GARNL3: variants seen among roughly 807,000 people sequenced by gnomAD.
GARNL3 encodes the protein GTPase-activating Rap/Ran-GAP domain-like protein 3.
GARNL3 carries 63 observed loss-of-function variants against 125.0 expected under a neutral mutation model. The ratio of observed to expected loss-of-function variants is 0.50; its 90% CI spans 0.41 to 0.62. The LOEUF (loss-of-function observed/expected upper bound fraction) is 0.62. GARNL3 is among the 20% of genes least tolerant of loss of function. The probability of loss-of-function intolerance (pLI) is 0.00; values close to 1 mark genes in which losing one functional copy is unlikely to be tolerated. For missense variants in GARNL3, 994 were observed against 1,244.0 expected (o/e 0.80, Z 3.02); for synonymous variants, 439 against 457.5 (o/e 0.96, Z 0.52).
intron 22 of GARNL3, among the ~76,000 whole-genome samples, chr9:127,370,748 G>A (rs147685389): frequency 7.2e-5 from 11 of 152,134 alleles, no homozygotes; most frequent in Admixed American, 2.0e-4. Flanking sequence ...GTACTGTGCC[G>A]TTCACAGTCT....
At chr9:127,369,302 T>G (rs1450854279) in intron 22 of GARNL3, among the ~76,000 whole-genome samples, 2 of 151,780 alleles carry the variant, frequency 1.3e-5, no homozygotes, top group Non-Finnish European at 2.9e-5. Context: ...AGCTCAAGAG[T>G]CCAGCCTGGA....
chr9:127,265,803 A>C (rs187125567), intron 1 of GARNL3, among the ~76,000 whole-genome samples: 76 of 152,292 alleles, frequency 5.0e-4, no homozygotes, highest in African/African-American at 1.8e-3. Context: ...CTATTTGTGT[A>C]GCACCCAATT....
chr9:127,267,368 A>G (rs2063727162), intron 1 of GARNL3, among the ~76,000 whole-genome samples: 2 of 151,992 alleles, frequency 1.3e-5, no homozygotes, highest in Non-Finnish European at 2.9e-5. Flanking sequence ...TACAAACCTC[A>G]TTTTTATATT....
chr9:127,307,053 C>T (rs1209089950), intron 2 of GARNL3, among the ~76,000 whole-genome samples: 2 of 150,470 alleles, frequency 1.3e-5, no homozygotes, highest in Non-Finnish European at 3.0e-5. Context: ...TTTTTTTTGT[C>T]GGCATGGTTA....
chr9:127,320,555 A>G (rs2065367149), intron 5 of GARNL3, among the ~76,000 whole-genome samples, 160 bp from the exon 6 acceptor site: 1 of 152,208 alleles, frequency 6.6e-6, no homozygotes, highest in Non-Finnish European at 1.5e-5. Context: ...AGTCAAGTAC[A>G]TGTGGTGTTG....
At chr9:127,243,034 G>A (rs979475090) in intron 1 of GARNL3, 34 of 1,306,192 alleles carry the variant, frequency 2.6e-5, no homozygotes, top group South Asian at 4.9e-5. Flanking sequence ...TTGGCCTGCC[G>A]TTCTTCTCTG....
chr9:127,317,402 T>C (rs2065269289), intron 4 of GARNL3, among the ~76,000 whole-genome samples: 2 of 152,194 alleles, frequency 1.3e-5, no homozygotes, highest in Non-Finnish European at 2.9e-5. Context: ...TCTTATGGTC[T>C]TTGAGGCTTA....
chr9:127,300,255 T>C (rs2131409227), intron 2 of GARNL3: 1 of 272,670 alleles, frequency 3.7e-6, no homozygotes, highest in African/African-American at 2.3e-5. Context: ...ATCTTTGTGC[T>C]TTTTTAAGAT....
chr9:127,241,418 T>G (rs1195978426), intron 1 of GARNL3, among the ~76,000 whole-genome samples: 1 of 152,098 alleles, frequency 6.6e-6, no homozygotes, highest in Non-Finnish European at 1.5e-5. Flanking sequence ...TCAGGGCTCC[T>G]TTGGGTAAAG....
chr9:127,313,159 A>T (rs3739560), intron 3 of GARNL3, among the ~76,000 whole-genome samples: 1 of 152,004 alleles, frequency 6.6e-6, no homozygotes, highest in African/African-American at 2.4e-5. Context: ...GAAGAAGAAG[A>T]CGGTATTTAG....
chr9:127,346,397 G>C (rs1830140727), intron 16 of GARNL3, among the ~76,000 whole-genome samples: 1 of 152,166 alleles, frequency 6.6e-6, no homozygotes, highest in South Asian at 2.1e-4. Context: ...TCAGGAAAAT[G>C]ATGAGCTCAA....
chr9:127,371,234 T>C (rs528181742), intron 22 of GARNL3, among the ~76,000 whole-genome samples: 13 of 152,204 alleles, frequency 8.5e-5, no homozygotes, highest in Admixed American at 2.0e-4. Context: ...TCTTGGACTT[T>C]GGCTCCGTCT....
Position 127,266,650 on chromosome 9 carries a change from G to A in GARNL3, c.144+1629G>A, listed in dbSNP as rs2063712314. Among the ~76,000 whole-genome samples, 1 of 152,158 alleles carries A rather than the reference G, an allele frequency of 6.6e-6. No homozygotes were observed. Among genetic ancestry groups the A allele is most frequent in the South Asian group, 2.1e-4 (1 of 4,828 alleles). ...GGATATTTCTGTTATCTACCTTAGA[G>A]GGTTGTTATGAGGATTAAATGAGAT... is the stretch of plus-strand genomic sequence containing the variant. On this transcript the variant is annotated intron_variant, in intron 1 of 27. Transcript: ENST00000373387. This position sits in a 1 kb window ranked among gnomAD's most constrained non-coding sequence, Gnocchi z 4.0.
upstream of GARNL3, among the ~76,000 whole-genome samples, chr9:127,263,247 C>A (rs2063629248): frequency 6.6e-6 from 1 of 152,180 alleles, no homozygotes; most frequent in Non-Finnish European, 1.5e-5. Context: ...GTCTCAGAAC[C>A]CCCTCAGCAG....
intron 1 of GARNL3, among the ~76,000 whole-genome samples, chr9:127,232,345 G>T (rs2063033318): frequency 6.6e-6 from 1 of 152,176 alleles, no homozygotes; most frequent in African/African-American, 2.4e-5. Context: ...TTCTCACTCT[G>T]TTGCCCAGGC....
At chr9:127,390,925 C>G (rs1165452303) in intron 27 of GARNL3, among the ~76,000 whole-genome samples, 158 bp downstream of exon 27, 1 of 152,200 alleles carries the variant, frequency 6.6e-6, no homozygotes, top group Non-Finnish European at 1.5e-5. Flanking sequence ...CCCAGACCCT[C>G]AGGCCTGCCA....
intron 22 of GARNL3, 121 bp downstream of exon 22, chr9:127,365,487 C>T (rs1831237405): frequency 2.4e-6 from 2 of 828,222 alleles, no homozygotes; most frequent in East Asian, 4.9e-5. Context: ...TTTGTAATTG[C>T]CTTCCAGGAA....
At chr9:127,260,810 T>C (rs1192466713), upstream of GARNL3, among the ~76,000 whole-genome samples, 1 of 152,234 alleles carries the variant, frequency 6.6e-6, no homozygotes, top group African/African-American at 2.4e-5. Context: ...GTGGAACTTA[T>C]TCTTACACTA....
At position 127,336,194 on chromosome 9, in the gene GARNL3, TCTC is replaced by T; in HGVS notation, c.943_945del (p.Pro315del). The T allele has an allele frequency of 6.2e-7, 1 of 1,614,046 alleles. No homozygotes were observed. The highest frequency in any genetic ancestry group is 2.2e-5 in the East Asian group (1 of 44,864). ...TGTGTTCCAAGAAGGAGAGGAATCT[TCTC>T]CTGCCTTTAAGCCTTCCATGATCCG... On this transcript the variant is annotated inframe_deletion, in exon 11 of 28. Transcript: ENST00000373387.
Sources: gnomAD v4.1 joint callset for allele counts (sites outside exome capture counted in the v4.1 genomes callset) on GRCh38, gnomAD v4.1.1 for gene constraint, Gnocchi (gnomAD v3.1) non-coding constraint, MANE v1.5 for transcripts, NCBI Gene and HGNC (gene_info 2026-07-23, HGNC 2026-07-21) for gene names.